Variants in C17orf75 observed in about 807,000 individuals in gnomAD.
C17orf75 encodes chromosome 17 open reading frame 75.
Under a neutral mutation model 49.6 loss-of-function variants are expected in C17orf75, and 32 were observed. The ratio of observed to expected loss-of-function variants is 0.65; its 90% CI spans 0.49 to 0.87. The LOEUF (loss-of-function observed/expected upper bound fraction) is 0.87. Ranked by LOEUF, C17orf75 falls within the 40% of genes least tolerant of loss-of-function variation. The pLI, the probability that C17orf75 is intolerant of heterozygous loss-of-function variation, is 0.00. For synonymous variants in C17orf75, 158 were observed against 159.5 expected (o/e 0.99, Z 0.07); for missense variants, 428 against 473.9 (o/e 0.90, Z 0.90).
intron 3 of C17orf75, 53 bp from the exon 4 acceptor site, chr17:32,338,404 T>C (rs1597736222): frequency 1.3e-6 from 2 of 1,542,782 alleles, no homozygotes; most frequent in Non-Finnish European, 1.8e-6. Flanking sequence ...CATGCATCTA[T>C]AATTTTGTGG....
In C17orf75 at chr17:32,339,935, G is replaced by C; in HGVS notation, c.225C>G (p.Leu75=). The change falls in exon 3 of 10, where the codon CTC becomes CTG. Residue 75 remains leucine, a synonymous_variant. Transcript: ENST00000577809. The stretch of plus-strand genomic sequence containing the variant: ...ATGGTAGATTAGTATCTGCCAAGGA[G>C]AGGCTTGACAAATGAAAGACACACA... ...AETPSGDDFS[L]SLADTNLPSE... 6.2e-7 allele frequency: 1 copy of C among 1,613,892 alleles called. No individual in the cohort carries two copies. The highest frequency in any genetic ancestry group is 8.5e-7 in the Non-Finnish European group (1 of 1,179,860).
At position 32,330,125 on chromosome 17, in the gene C17orf75, G is replaced by A. The variant is rs2041262314; in HGVS notation, c.*1638C>T. ...CTCAAAGTGCTGGGATTACAGGCAT[G>A]AGCCATCGTGCCCAGCCACTCTCAC... On this transcript the variant is annotated 3_prime_UTR_variant, in exon 10 of 10. Transcript: ENST00000577809. 1 of 152,246 alleles carries A rather than the reference G, an allele frequency of 6.6e-6. No individual in the cohort carries two copies. The highest frequency in any genetic ancestry group is 2.4e-5 in the African/African-American group (1 of 41,448). 9.4% of individuals were successfully genotyped at this position (152,246 alleles called of 1,614,324 possible).
intron 8 of C17orf75, among the ~76,000 whole-genome samples, chr17:32,333,874 GA>G (rs2041300597): frequency 6.6e-6 from 1 of 152,212 alleles, no homozygotes; most frequent in Admixed American, 6.5e-5. Flanking sequence ...CAAAATGGCT[GA>G]AGCCCCCTGT....
At chr17:32,348,030 C>A (rs1045777531) in intron 1 of C17orf75, among the ~76,000 whole-genome samples, 2 of 134,502 alleles carry the variant, frequency 1.5e-5, no homozygotes, top group Non-Finnish European at 3.2e-5. Context: ...TTTTTTTTTT[C>A]TTTTTGAGAC....
intron 3 of C17orf75, 83 bp from the exon 4 acceptor site, chr17:32,338,434 A>G: frequency 7.3e-7 from 1 of 1,361,620 alleles, no homozygotes; most frequent in East Asian, 2.4e-5. Context: ...AATTCTGGTC[A>G]TCTTGATCTG....
At chr17:32,333,356 G>T in intron 9 of C17orf75, 61 bp downstream of exon 9, 1 of 1,162,606 alleles carries the variant, frequency 8.6e-7, no homozygotes, top group Non-Finnish European at 1.3e-6. Context: ...TCTGTCACTG[G>T]TACTAATTAA....
Position 32,331,723 on chromosome 17 carries a change from A to C in C17orf75, c.*40T>G, listed in dbSNP as rs1383030823. Reference sequence around the variant, plus strand: ...CTGCAATTTCAAACACTAAGACTTAAATATACAACTTGATCATACAATTAT... The same window carrying C: ...CTGCAATTTCAAACACTAAGACTTACATATACAACTTGATCATACAATTAT... On this transcript the variant is annotated 3_prime_UTR_variant, in exon 10 of 10. Coordinates refer to ENST00000577809, the MANE Select transcript of C17orf75 (RefSeq NM_022344.4). 4.0e-6 allele frequency: 6 copies of C among 1,503,998 alleles called. No homozygotes were observed. The highest frequency in any genetic ancestry group is 1.7e-5 in the Admixed American group (1 of 59,138). 93.2% of individuals were successfully genotyped at this position (1,503,998 alleles called of 1,614,324 possible). A position where few individuals can be genotyped will look rare whatever the true frequency, so the allele number is the denominator to read the frequency against.
chr17:32,333,412 A>C lies in C17orf75; in HGVS notation c.975+5T>G. Reference sequence around the variant, plus strand: ...GTGGCACTTGGCACACAGCCAACTAATTACCTTTAGTTTAAAGTTCTCCAG... The same window carrying C: ...GTGGCACTTGGCACACAGCCAACTACTTACCTTTAGTTTAAAGTTCTCCAG... On this transcript the variant is annotated splice_donor_5th_base_variant and intron_variant, in intron 9 of 9. Coordinates refer to ENST00000577809, the MANE Select transcript of C17orf75 (RefSeq NM_022344.4). The C allele has an allele frequency of 6.3e-7, 1 of 1,597,882 alleles. No individual in the cohort carries two copies. Among genetic ancestry groups the C allele is most frequent in the Non-Finnish European group, 8.5e-7 (1 of 1,172,408 alleles).
At chr17:32,335,218 A>G in intron 6 of C17orf75, 105 bp downstream of exon 6, 2 of 1,356,444 alleles carry the variant, frequency 1.5e-6, no homozygotes, top group Non-Finnish European at 2.0e-6. Context: ...CATAGTTTGA[A>G]TATTTGGGGA....
At chr17:32,334,694 G>T in intron 7 of C17orf75, 81 bp downstream of exon 7, 1 of 1,572,722 alleles carries the variant, frequency 6.4e-7, no homozygotes. Context: ...TGGTGGGGAA[G>T]GGATGGAAGG....
At position 32,349,496 on chromosome 17, in the gene C17orf75, G is replaced by T. The variant is rs1424735333; in HGVS notation, c.-7+446C>A. On this transcript the variant is annotated intron_variant, in intron 1 of 8. Coordinates refer to the C17orf75 transcript ENST00000583774. ...CTCGGGAGGCTGAGGTAGGAGAATC[G>T]CTTGAACCCGGGAGACGGAGGTTGC... Among the ~76,000 whole-genome samples the T allele has an allele frequency of 2.0e-5, 3 of 152,092 alleles. No individual in the cohort carries two copies. In the East Asian group the frequency reaches 5.8e-4, roughly 29 times the overall value.
chr17:32,337,823 C>T, intron 5 of C17orf75, 74 bp downstream of exon 5: 2 of 1,352,330 alleles, frequency 1.5e-6, no homozygotes, highest in African/African-American at 1.4e-5. Context: ...TCCCAAAGTG[C>T]TGGGATTACA....
intron 2 of C17orf75, 70 bp downstream of exon 2, chr17:32,341,134 T>C: frequency 6.7e-7 from 1 of 1,497,670 alleles, no homozygotes; most frequent in Non-Finnish European, 9.3e-7. Flanking sequence ...GAGTATCCAC[T>C]GACATGTACA....
At chr17:32,349,078 C>G (rs575892317) in intron 1 of C17orf75, among the ~76,000 whole-genome samples, 3 of 151,670 alleles carry the variant, frequency 2.0e-5, no homozygotes, top group African/African-American at 7.3e-5. Flanking sequence ...GTCGGCCAGG[C>G]TGGTCTCGAA....
rs1339690909 is a variant in C17orf75 at position 32,339,908 on chromosome 17, G to A, written c.252C>T (p.Ser84=). 2.5e-6 allele frequency: 4 copies of A among 1,613,820 alleles called. No individual in the cohort carries two copies. The highest frequency in any genetic ancestry group is 1.6e-4 in the Middle Eastern group (1 of 6,084). Residue 84 remains serine (S), a synonymous_variant, in exon 3 of 10, where the codon TCC becomes TCT. Transcript: ENST00000577809. ...SLSLADTNLP[S]EVEPELRSFI... ...AACTGCGCAGCTCTGGCTCCACTTC[G>A]GATGGTAGATTAGTATCTGCCAAGG...
chr17:32,347,738 T>TC lies in C17orf75; in HGVS notation c.-7+2203dup, dbSNP rs910203585. Among the ~76,000 whole-genome samples, 17 of 151,264 alleles carry TC rather than the reference T, an allele frequency of 1.1e-4. No homozygotes were observed. In the South Asian group the frequency reaches 1.5e-3, roughly 13 times the overall value. On this transcript the variant is annotated intron_variant, in intron 1 of 8. Transcript: ENST00000583774. Reference sequence around the variant, plus strand: ...TCCAGCACTTTAATAAAATCACTAATCCCCCCCCACCCAGTTTACTCATGA... The same window carrying TC: ...TCCAGCACTTTAATAAAATCACTAATCCCCCCCCCACCCAGTTTACTCATGA...
intron 2 of C17orf75, among the ~76,000 whole-genome samples, chr17:32,340,655 A>AG (rs1002790294): frequency 1.3e-5 from 2 of 150,948 alleles, no homozygotes; most frequent in African/African-American, 4.9e-5. Flanking sequence ...AAAAAAAAAA[A>AG]AAAATTTTTC....
Position 32,328,734 on chromosome 17 carries a change from C to CA in C17orf75, c.*3028dup, listed in dbSNP as rs1292705086. 2 of 152,042 alleles carry CA rather than the reference C, an allele frequency of 1.3e-5. No homozygotes were observed. The highest frequency in any genetic ancestry group is 2.9e-5 in the Non-Finnish European group (2 of 68,022). The allele number at this position is 152,042 out of a possible 1,614,324, so 9.4% of individuals were successfully genotyped here. A position where few individuals can be genotyped will look rare whatever the true frequency, so the allele number is the denominator to read the frequency against. ...TGAAACCCCGTCTCTACTAAAAATACAAAAAATTAGCCATGCATGGTGGCA... is the reference window on the plus strand; with the variant it reads ...TGAAACCCCGTCTCTACTAAAAATACAAAAAAATTAGCCATGCATGGTGGCA... On this transcript the variant is annotated 3_prime_UTR_variant, in exon 10 of 10. Coordinates refer to ENST00000577809, the MANE Select transcript of C17orf75 (RefSeq NM_022344.4).
upstream of C17orf75, chr17:32,344,171 T>C: frequency 2.0e-6 from 1 of 512,096 alleles, no homozygotes; most frequent in Non-Finnish European, 3.5e-6. Context: ...AGCTGTATTT[T>C]TATTTTTTAT....
Sources: allele counts gnomAD v4.1 joint callset (sites outside exome capture counted in the v4.1 genomes callset), GRCh38; gene constraint gnomAD v4.1.1; transcripts MANE v1.5; gene names NCBI Gene and HGNC (gene_info 2026-07-23, HGNC 2026-07-21).